TMEM117: variants seen among roughly 807,000 people sequenced by gnomAD.
TMEM117 encodes transmembrane protein 117.
TMEM117 carries 27 observed loss-of-function variants against 52.4 expected under a neutral mutation model. That is an observed-to-expected ratio of 0.51 (90% CI 0.38 to 0.71). The LOEUF (loss-of-function observed/expected upper bound fraction) is 0.71. TMEM117 is among the 30% of genes least tolerant of loss of function. The pLI, the probability that TMEM117 is intolerant of heterozygous loss-of-function variation, is 0.00. For missense variants in TMEM117, 556 were observed against 630.5 expected (o/e 0.88, Z 1.26); for synonymous variants, 215 against 206.3 (o/e 1.04, Z -0.36).
At chr12:44,336,385 C>T (rs1047228646) in intron 6 of TMEM117, among the ~76,000 whole-genome samples, 1 of 151,916 alleles carries the variant, frequency 6.6e-6, no homozygotes, top group African/African-American at 2.4e-5. Context: ...CACTATTATG[C>T]GTGTATTTCA....
intron 6 of TMEM117, among the ~76,000 whole-genome samples, chr12:44,336,406 C>A (rs906783946): frequency 6.6e-6 from 1 of 152,002 alleles, no homozygotes; most frequent in Non-Finnish European, 1.5e-5. Context: ...TACATAGACA[C>A]ATACATCTAT....
rs781764531 is a variant in TMEM117 at position 44,388,247 on chromosome 12, TATGTTGAGGGAGAC to T, written c.1126_1139del (p.Glu376LeufsTer11). 6 of 1,613,556 alleles carry T rather than the reference TATGTTGAGGGAGAC, an allele frequency of 3.7e-6. No homozygotes were observed. The South Asian group carries it at 6.6e-5, about 18-fold the overall frequency. On this transcript the variant is annotated frameshift_variant, in exon 8 of 8. Coordinates refer to ENST00000266534, the MANE Select transcript of TMEM117 (RefSeq NM_032256.3). LOFTEE classifies it high-confidence loss of function. Reference sequence around the variant, plus strand: ...CACTAACCCTCGGACTAATAAAACATATGTTGAGGGAGACATGTTCTTACACAGCAGGTTCATAG... The same window carrying T: ...CACTAACCCTCGGACTAATAAAACATATGTTCTTACACAGCAGGTTCATAG...
chr12:44,069,372 G>C (rs1174679824), intron 3 of TMEM117, among the ~76,000 whole-genome samples: 1 of 152,192 alleles, frequency 6.6e-6, no homozygotes, highest in Non-Finnish European at 1.5e-5. Flanking sequence ...ACTGAGAGGT[G>C]ACATTTCAGC....
chr12:44,055,672 C>T (rs1947043104), intron 3 of TMEM117, among the ~76,000 whole-genome samples: 1 of 151,978 alleles, frequency 6.6e-6, no homozygotes, highest in Non-Finnish European at 1.5e-5. Context: ...GGGTTAAAAT[C>T]AAGATTAAAT....
At chr12:44,347,324 A>G (rs538980572) in intron 6 of TMEM117, among the ~76,000 whole-genome samples, 1 of 152,174 alleles carries the variant, frequency 6.6e-6, no homozygotes, top group Admixed American at 6.6e-5. Flanking sequence ...AAAATTCACA[A>G]CCTGTGATAG....
At chr12:44,188,601 T>C (rs565863511) in intron 4 of TMEM117, among the ~76,000 whole-genome samples, 1 of 152,208 alleles carries the variant, frequency 6.6e-6, no homozygotes, top group East Asian at 1.9e-4. Flanking sequence ...ACTGCTCTGT[T>C]TTTTGTATAT....
At chr12:44,321,873 G>A (rs183430372) in intron 6 of TMEM117, among the ~76,000 whole-genome samples, 12 of 152,280 alleles carry the variant, frequency 7.9e-5, no homozygotes, top group African/African-American at 2.9e-4. Flanking sequence ...AGTGGCAAAT[G>A]TATCTTTAAA....
chr12:43,912,106 A>G (rs1378953205), intron 2 of TMEM117, among the ~76,000 whole-genome samples: 1 of 149,910 alleles, frequency 6.7e-6, no homozygotes, highest in Non-Finnish European at 1.5e-5. Flanking sequence ...CCAAATATCC[A>G]ACAACGATAG....
intron 2 of TMEM117, among the ~76,000 whole-genome samples, chr12:43,927,583 T>C (rs60147909): frequency 1.2e-3 from 182 of 152,056 alleles, no homozygotes; most frequent in African/African-American, 4.3e-3. Context: ...ATCTATCTTA[T>C]TTATATAATC....
chr12:44,299,694 C>T lies in TMEM117; in HGVS notation c.723C>T (p.Phe241=), dbSNP rs769000429. The part of the protein sequence containing the change: ...FLPSDEVSRA[F]LASFILVFDL... ...CCAGTGATGAAGTTTCCAGAGCATT[C>T]CTTGCTTCTTTTATCTTGGTCTTTG... Residue 241 remains phenylalanine (F), a synonymous_variant, in exon 6 of 8, where the codon TTC becomes TTT. Coordinates refer to ENST00000266534, the MANE Select transcript of TMEM117 (RefSeq NM_032256.3). 29 of 1,614,062 alleles carry T rather than the reference C, an allele frequency of 1.8e-5. No homozygotes were observed. Among genetic ancestry groups the T allele is most frequent in the Non-Finnish European group, 2.4e-5 (28 of 1,180,022 alleles).
At chr12:44,158,520 A>G (rs916404158) in intron 4 of TMEM117, among the ~76,000 whole-genome samples, 1 of 152,180 alleles carries the variant, frequency 6.6e-6, no homozygotes, top group Non-Finnish European at 1.5e-5. Flanking sequence ...ACATTTCTTG[A>G]AAGCACTTGA....
At chr12:44,054,048 T>G (rs1947014369) in intron 3 of TMEM117, among the ~76,000 whole-genome samples, 1 of 152,142 alleles carries the variant, frequency 6.6e-6, no homozygotes, top group South Asian at 2.1e-4. Flanking sequence ...TCAAAGAAAT[T>G]GTTGAAAAAT....
At chr12:43,954,201 G>A (rs902283346) in intron 3 of TMEM117, among the ~76,000 whole-genome samples, 4 of 152,136 alleles carry the variant, frequency 2.6e-5, no homozygotes, top group Non-Finnish European at 1.5e-5. Context: ...GAAAAAGCTA[G>A]AAAGATCTCA....
chr12:44,359,447 C>T (rs55761438), intron 6 of TMEM117, among the ~76,000 whole-genome samples: 1 of 151,562 alleles, frequency 6.6e-6, no homozygotes, highest in Non-Finnish European at 1.5e-5. Context: ...AAAATTATAC[C>T]ATATATTCAA....
At chr12:43,857,878 C>T (rs1479622985) in intron 2 of TMEM117, among the ~76,000 whole-genome samples, 1 of 152,064 alleles carries the variant, frequency 6.6e-6, no homozygotes, top group Admixed American at 6.5e-5. Context: ...GATCTGTGCC[C>T]AAAGGATAAA....
chr12:44,099,228 C>T (rs1303069039), intron 3 of TMEM117, among the ~76,000 whole-genome samples: 1 of 151,858 alleles, frequency 6.6e-6, no homozygotes, highest in Non-Finnish European at 1.5e-5. Context: ...GCAACCTCAG[C>T]CTTTTCTTGG....
intron 2 of TMEM117, among the ~76,000 whole-genome samples, chr12:43,887,646 T>C (rs1731427): frequency 0.78 from 119,053 of 152,130 alleles, 49,069 homozygotes; most frequent in Non-Finnish European, 0.9. Flanking sequence ...ACAGCTCTGA[T>C]GCATCTCACT....
chr12:44,342,986 C>T (rs938303180), intron 6 of TMEM117, among the ~76,000 whole-genome samples: 4 of 152,004 alleles, frequency 2.6e-5, no homozygotes, highest in Admixed American at 1.3e-4. Context: ...AAGTGATTCT[C>T]GTGACTCGGG....
chr12:43,859,233 G>T lies in TMEM117; in HGVS notation c.277+14305G>T, dbSNP rs141626487. 2.0e-3 allele frequency among the ~76,000 whole-genome samples: 308 copies of T among 152,320 alleles called. 1 individual carries two copies. Among genetic ancestry groups the T allele is most frequent in the African/African-American group, 6.7e-3 (280 of 41,564 alleles). ...TCCAGCGGAATTCTGTTGGAGGGAG[G>T]AGGGCCTTCCAAGCTGGAGAAGTGG... is the stretch of plus-strand genomic sequence containing the variant. On this transcript the variant is annotated intron_variant, in intron 2 of 7. Coordinates refer to ENST00000266534, the MANE Select transcript of TMEM117 (RefSeq NM_032256.3).
Sources: gnomAD v4.1 joint callset for allele counts (sites outside exome capture counted in the v4.1 genomes callset) on GRCh38, gnomAD v4.1.1 for gene constraint, MANE v1.5 for transcripts, NCBI Gene and HGNC (gene_info 2026-07-23, HGNC 2026-07-21) for gene names.